The following SYN3 variants were observed in gnomAD, a reference collection of about 807,000 sequenced individuals.
The protein encoded by SYN3 is synapsin-3.
Under a neutral mutation model 65.8 loss-of-function variants are expected in SYN3, and 35 were observed. The ratio of observed to expected loss-of-function variants is 0.53; its 90% CI spans 0.41 to 0.70. SYN3 has a LOEUF of 0.70. Among genes scored for constraint, SYN3 ranks in the 30% least tolerant of loss-of-function variants. SYN3 has a pLI of 0.00. For synonymous variants in SYN3, 270 were observed against 292.9 expected, an observed-to-expected ratio of 0.92 and a Z score of 0.80; for missense variants, 680 against 749.0, an observed-to-expected ratio of 0.91 and a Z score of 1.08.
intron 3 of SYN3, among the ~76,000 whole-genome samples, chr22:32,939,576 G>A (rs970352646): frequency 6.6e-6 from 1 of 152,126 alleles, no homozygotes; most frequent in African/African-American, 2.4e-5. Flanking sequence ...TCATAGATTA[G>A]TTTTACATGT....
At chr22:32,821,937 C>G (rs914129353) in intron 6 of SYN3, among the ~76,000 whole-genome samples, 1 of 152,134 alleles carries the variant, frequency 6.6e-6, no homozygotes, top group Non-Finnish European at 1.5e-5. Flanking sequence ...AGGCGGATCA[C>G]CTGAGGTCGG....
rs112299084 is a variant in SYN3, at chr22:32,898,662, A to G, written c.462-29537T>C. Among the ~76,000 whole-genome samples, 156 of 152,322 alleles carry G rather than the reference A, an allele frequency of 1.0e-3. 1 individual carries two copies. The highest frequency in any genetic ancestry group is 3.5e-3 in the African/African-American group (147 of 41,574). Reference sequence around the variant, plus strand: ...ATAGAAAAAACAGTGGAATCCCTATATACATATATGCATGTGTGTGCATGT... The same window carrying G: ...ATAGAAAAAACAGTGGAATCCCTATGTACATATATGCATGTGTGTGCATGT... On this transcript the variant is annotated intron_variant, in intron 4 of 13. Transcript: ENST00000358763.
intron 6 of SYN3, among the ~76,000 whole-genome samples, chr22:32,612,934 G>GACC (rs2059465950): frequency 6.6e-6 from 1 of 152,128 alleles, no homozygotes; most frequent in Non-Finnish European, 1.5e-5. Flanking sequence ...TGGGAGGAGG[G>GACC]ACCTGGTGGC....
intron 4 of SYN3, among the ~76,000 whole-genome samples, chr22:32,908,091 C>CT (rs996819198): frequency 1.9e-3 from 276 of 146,056 alleles, no homozygotes; most frequent in Middle Eastern, 7.2e-3. Flanking sequence ...TACCTTTTTT[C>CT]TTTTTTTTTT....
chr22:32,582,084 T>C (rs116822376), intron 7 of SYN3, among the ~76,000 whole-genome samples: 9,496 of 152,150 alleles, frequency 0.062, 321 homozygotes, highest in Middle Eastern at 0.078. Flanking sequence ...AGGCGTGAGC[T>C]ACCACACCCG....
At chr22:32,699,540 G>A (rs144454940) in intron 6 of SYN3, among the ~76,000 whole-genome samples, 37 of 152,232 alleles carry the variant, frequency 2.4e-4, no homozygotes, top group African/African-American at 8.7e-4. Flanking sequence ...GCAGGGATGG[G>A]GGTAGGTGCT....
chr22:32,695,814 T>C (rs2060728695), intron 6 of SYN3, among the ~76,000 whole-genome samples: 1 of 152,200 alleles, frequency 6.6e-6, no homozygotes, highest in Non-Finnish European at 1.5e-5. Flanking sequence ...TTTACTCTTC[T>C]ATGACTCACC....
intron 6 of SYN3, among the ~76,000 whole-genome samples, chr22:32,624,232 A>G (rs117875409): frequency 5.0e-4 from 76 of 152,260 alleles, no homozygotes; most frequent in African/African-American, 1.7e-3. Context: ...TTCTCTGCCA[A>G]TGCCCAGGGA....
At chr22:32,547,820 A>G (rs1451492014) in intron 7 of SYN3, among the ~76,000 whole-genome samples, 1 of 152,220 alleles carries the variant, frequency 6.6e-6, no homozygotes, top group Admixed American at 6.5e-5. Context: ...ATTTGCTTGA[A>G]TATCTCCAAT....
chr22:32,722,018 G>A (rs1293833361), intron 6 of SYN3, among the ~76,000 whole-genome samples: 1 of 152,200 alleles, frequency 6.6e-6, no homozygotes, highest in Non-Finnish European at 1.5e-5. Context: ...TGCTTAAGAA[G>A]CAGAGAGACC....
intron 1 of SYN3, among the ~76,000 whole-genome samples, chr22:33,045,006 C>A (rs1312064993): frequency 6.6e-6 from 1 of 152,070 alleles, no homozygotes; most frequent in Non-Finnish European, 1.5e-5. Context: ...CCACACCCGG[C>A]TAATTTTTGT....
chr22:32,788,949 C>A (rs1370714785), intron 6 of SYN3, among the ~76,000 whole-genome samples: 1 of 152,140 alleles, frequency 6.6e-6, no homozygotes, highest in African/African-American at 2.4e-5. Context: ...GACTTCCTTC[C>A]TCCTCCTTGC....
chr22:32,992,399 G>A (rs1470828180), intron 2 of SYN3, among the ~76,000 whole-genome samples: 1 of 152,210 alleles, frequency 6.6e-6, no homozygotes, highest in Non-Finnish European at 1.5e-5. Context: ...TCTGTATACT[G>A]AGCTTAAATA....
intron 6 of SYN3, among the ~76,000 whole-genome samples, chr22:32,820,322 GTCA>G (rs1338009681): frequency 1.7e-4 from 26 of 150,304 alleles, no homozygotes; most frequent in African/African-American, 6.1e-4. Flanking sequence ...CCGTGTGTGT[GTCA>G]TCCTCTGCTC....
At chr22:32,916,578 G>A (rs1182441351) in intron 4 of SYN3, among the ~76,000 whole-genome samples, 1 of 152,060 alleles carries the variant, frequency 6.6e-6, no homozygotes, top group Non-Finnish European at 1.5e-5. Flanking sequence ...CTGTGTTTTA[G>A]TTGCCTGCAT....
chr22:33,012,656 C>T (rs2053376759), intron 1 of SYN3, among the ~76,000 whole-genome samples: 1 of 152,222 alleles, frequency 6.6e-6, no homozygotes, highest in African/African-American at 2.4e-5. Flanking sequence ...ACAGACAGAA[C>T]CATCACAGGT....
Position 32,568,773 on chromosome 22 carries a change from T to C in SYN3, c.775-27060A>G, listed in dbSNP as rs56990986. 3.5e-3 allele frequency among the ~76,000 whole-genome samples: 526 copies of C among 152,334 alleles called. 4 individuals are homozygous for C. Among genetic ancestry groups the C allele is most frequent in the African/African-American group, 0.012 (500 of 41,576 alleles). On this transcript the variant is annotated intron_variant, in intron 7 of 13. Coordinates refer to ENST00000358763, the MANE Select transcript of SYN3 (RefSeq NM_003490.4). ...TATCTGTAGCAGACAGATAGGTGGA[T>C]ACCTAGCTAGCTAGGTTGGTAACAA... is the stretch of plus-strand genomic sequence containing the variant.
intron 4 of SYN3, among the ~76,000 whole-genome samples, chr22:32,915,726 T>C (rs241887): frequency 3.5e-4 from 53 of 152,040 alleles, no homozygotes; most frequent in Non-Finnish European, 1.3e-4. Context: ...GCCTAGATCA[T>C]ATGAGGTTTT....
At chr22:32,839,279 G>A (rs2047826520) in intron 6 of SYN3, among the ~76,000 whole-genome samples, 1 of 152,090 alleles carries the variant, frequency 6.6e-6, no homozygotes, top group African/African-American at 2.4e-5. Flanking sequence ...ATGTAAATGA[G>A]GGTTGTGGAT....
Sources: allele counts gnomAD v4.1 joint callset (sites outside exome capture counted in the v4.1 genomes callset), GRCh38; gene constraint gnomAD v4.1.1; transcripts MANE v1.5; gene names NCBI Gene and HGNC (gene_info 2026-07-23, HGNC 2026-07-21).